KIAA1549: variants seen among roughly 807,000 people sequenced by gnomAD.
KIAA1549 encodes the protein UPF0606 protein KIAA1549.
Under a neutral mutation model 156.4 loss-of-function variants are expected in KIAA1549, and 70 were observed. The ratio of observed to expected loss-of-function variants is 0.45; its 90% CI spans 0.37 to 0.55. The LOEUF is 0.55. KIAA1549 is among the 20% of genes least tolerant of loss of function. KIAA1549 has a pLI of 0.00. For synonymous variants in KIAA1549, 1,103 were observed against 1,066.4 expected, an observed-to-expected ratio of 1.03 and a Z score of -0.67; for missense variants, 2,428 against 2,540.9, an observed-to-expected ratio of 0.96 and a Z score of 0.96.
At position 138,834,510 on chromosome 7, in the gene KIAA1549, T is replaced by G. The variant is rs754555332; in HGVS notation, c.*3396A>C. 7.1e-5 allele frequency: 16 copies of G among 224,750 alleles called. No homozygotes were observed. Among genetic ancestry groups the G allele is most frequent in the Non-Finnish European group, 1.1e-4 (12 of 112,772 alleles). 13.9% of individuals were successfully genotyped at this position (224,750 alleles called of 1,614,324 possible). ...ATTTATCGGTATCTTCCATCTTCTATACCCACTCGTGCTATCTTAGATTCT... is the reference window on the plus strand; with the variant it reads ...ATTTATCGGTATCTTCCATCTTCTAGACCCACTCGTGCTATCTTAGATTCT... On this transcript the variant is annotated 3_prime_UTR_variant, in exon 20 of 20. Coordinates refer to ENST00000422774, the MANE Select transcript of KIAA1549 (RefSeq NM_001164665.2).
At chr7:138,963,892 T>C (rs1584788400) in intron 1 of KIAA1549, among the ~76,000 whole-genome samples, 1 of 152,030 alleles carries the variant, frequency 6.6e-6, no homozygotes, top group South Asian at 2.1e-4. Context: ...AAGGAAATGA[T>C]CCAGGACGTG....
Position 138,906,924 on chromosome 7 carries a change from G to A in KIAA1549, c.3455C>T (p.Ala1152Val). ...TCCAAGAGGGCTGTACTCACGCTCT[G>A]CGATCTGCAGCACTGGGTATCCCAG... The part of the protein sequence containing the change: ...FYLGYPVLQI[A>V]EPFQYPQLNL... Residue 1152 changes from alanine (A) to valine (V), a missense_variant, in exon 6 of 20, where the codon GCA becomes GTA. Ala to Val is a moderately conservative substitution (Grantham distance 64). Transcript: ENST00000422774. The A allele has an allele frequency of 6.3e-7, 1 of 1,593,702 alleles. No individual in the cohort carries two copies. Among genetic ancestry groups the A allele is most frequent in the Admixed American group, 1.8e-5 (1 of 56,208 alleles).
chr7:138,923,190 C>A (rs1408304587), intron 1 of KIAA1549, among the ~76,000 whole-genome samples: 1 of 152,210 alleles, frequency 6.6e-6, no homozygotes, highest in Non-Finnish European at 1.5e-5. Flanking sequence ...AAGACATTTT[C>A]AGCTTAACAG....
At chr7:138,940,820 G>A (rs1424683518) in intron 1 of KIAA1549, among the ~76,000 whole-genome samples, 2 of 152,202 alleles carry the variant, frequency 1.3e-5, no homozygotes, top group Non-Finnish European at 2.9e-5. Context: ...CTTCTTTTGA[G>A]AAGTGTCTGT....
At chr7:138,849,240 T>G (rs1810167802) in intron 17 of KIAA1549, among the ~76,000 whole-genome samples, 1 of 152,046 alleles carries the variant, frequency 6.6e-6, no homozygotes, top group South Asian at 2.1e-4. Context: ...TTATTTTCTA[T>G]TTCATTAATT....
In KIAA1549 at chr7:138,836,684, C is replaced by A; in HGVS notation, c.*1222G>T. Reference sequence around the variant, plus strand: ...TAAGCGAGATGATCCCCTCTTAGCCCAAAGAGCATAAGACAATTTTAATAG... The same window carrying A: ...TAAGCGAGATGATCCCCTCTTAGCCAAAAGAGCATAAGACAATTTTAATAG... On this transcript the variant is annotated 3_prime_UTR_variant, in exon 20 of 20. Coordinates refer to ENST00000422774, the MANE Select transcript of KIAA1549 (RefSeq NM_001164665.2). 4.6e-6 allele frequency: 1 copy of A among 216,716 alleles called. No individual in the cohort carries two copies. Among genetic ancestry groups the A allele is most frequent in the Non-Finnish European group, 9.3e-6 (1 of 107,564 alleles). 13.4% of individuals were successfully genotyped at this position (216,716 alleles called of 1,614,324 possible). A position where few individuals can be genotyped will look rare whatever the true frequency, so the allele number is the denominator to read the frequency against.
chr7:138,973,594 C>G (rs996435964), intron 1 of KIAA1549, among the ~76,000 whole-genome samples: 1 of 152,222 alleles, frequency 6.6e-6, no homozygotes, highest in African/African-American at 2.4e-5. Flanking sequence ...ATGCTCCCCC[C>G]TCACTAGTGT....
At position 138,940,261 on chromosome 7, in the gene KIAA1549, G is replaced by A. The variant is rs1038228111; in HGVS notation, c.188-20823C>T. ...TTCCCACCTATGAGTGAGAACATGTGGTGTTTGGTTTTTTGTCCTTGTGAT... is the reference window on the plus strand; with the variant it reads ...TTCCCACCTATGAGTGAGAACATGTAGTGTTTGGTTTTTTGTCCTTGTGAT... On this transcript the variant is annotated intron_variant, in intron 1 of 19. Transcript: ENST00000422774. 4.1e-3 allele frequency among the ~76,000 whole-genome samples: 553 copies of A among 136,488 alleles called. 2 individuals carry two copies. Among genetic ancestry groups the A allele is most frequent in the Non-Finnish European group, 5.9e-3 (383 of 65,248 alleles). The allele number at this position is 136,488 out of a possible 152,430, so 89.5% of individuals were successfully genotyped here.
In KIAA1549 at chr7:138,909,074, T is replaced by C. The variant is rs763372457; in HGVS notation, c.3193A>G (p.Thr1065Ala). The change falls in exon 5 of 20, where the codon ACC becomes GCC. Residue 1065 changes from threonine to alanine, a missense_variant. By Grantham distance (58) the Thr-to-Ala change is moderately conservative (BLOSUM62 0). Around this residue, in one of 5 missense-constraint regions of KIAA1549, gnomAD observed 762 missense variants for 901.6 expected, o/e 0.85. Transcript: ENST00000422774. Reference sequence around the variant, plus strand: ...ATTAGGCCTTTCTCAATGCGCTGGGTGAAGTTGCAGAAGCCAGTATCCACA... The same window carrying C: ...ATTAGGCCTTTCTCAATGCGCTGGGCGAAGTTGCAGAAGCCAGTATCCACA... ...PSVDTGFCNFTQRIEKGLMTA... is the reference protein window; with the variant it reads ...PSVDTGFCNFAQRIEKGLMTA... The C allele has an allele frequency of 6.2e-6, 10 of 1,613,760 alleles. No homozygotes were observed. The East Asian group carries it at 2.2e-4, about 36-fold the overall frequency.
chr7:138,890,600 G>A (rs1386027848), intron 10 of KIAA1549, among the ~76,000 whole-genome samples: 1 of 152,214 alleles, frequency 6.6e-6, no homozygotes, highest in Non-Finnish European at 1.5e-5. Context: ...GGTGACACCC[G>A]GCACGGTCAG....
rs1045246471 is a variant in KIAA1549, at chr7:138,834,492, G to A, written c.*3414C>T. On this transcript the variant is annotated 3_prime_UTR_variant, in exon 20 of 20. Transcript: ENST00000422774. ...TGACACTTAAACCATGTTATTTATC[G>A]GTATCTTCCATCTTCTATACCCACT... is the stretch of plus-strand genomic sequence containing the variant. 21 of 220,492 alleles carry A rather than the reference G, an allele frequency of 9.5e-5. No individual in the cohort carries two copies. The highest frequency in any genetic ancestry group is 1.4e-3 in the Middle Eastern group (1 of 736). 13.7% of individuals were successfully genotyped at this position (220,492 alleles called of 1,614,324 possible).
intron 14 of KIAA1549, 103 bp downstream of exon 14, chr7:138,869,435 G>A: frequency 1.1e-6 from 1 of 891,358 alleles, no homozygotes; most frequent in Admixed American, 2.2e-5. Flanking sequence ...GGGTCCTTCT[G>A]TCACAGGCCC....
At chr7:138,864,890 G>C (rs2130373136) in intron 15 of KIAA1549, among the ~76,000 whole-genome samples, 1 of 152,324 alleles carries the variant, frequency 6.6e-6, no homozygotes, top group South Asian at 2.1e-4. Context: ...AGCAAAAACA[G>C]TCATTGATAT....
chr7:138,925,922 T>C (rs1812703940), intron 1 of KIAA1549, among the ~76,000 whole-genome samples: 1 of 150,490 alleles, frequency 6.6e-6, no homozygotes, highest in South Asian at 2.1e-4. Flanking sequence ...TTACTAAAAC[T>C]TATGGGCAGG....
chr7:138,931,936 T>A (rs1812884942), intron 1 of KIAA1549, among the ~76,000 whole-genome samples: 2 of 152,154 alleles, frequency 1.3e-5, no homozygotes, highest in African/African-American at 4.8e-5. Flanking sequence ...AGGTTTTGTT[T>A]TTCACATTTA....
chr7:138,912,489 C>G, intron 2 of KIAA1549, 29 bp from the exon 3 acceptor site: 1 of 1,558,090 alleles, frequency 6.4e-7, no homozygotes, highest in African/African-American at 1.4e-5. Context: ...CACCAAATGC[C>G]TTTTCATGTC....
At position 138,911,254 on chromosome 7, in the gene KIAA1549, C is replaced by T. The variant is rs762313878; in HGVS notation, c.3037G>A (p.Val1013Ile). ...TTACTGTTTATAAGCACATTTATGA[C>T]GGATATTGCCGTGTAAACGAAAGGA... ...SGPFVYTAIS[V>I]INVLINSKLV... The change falls in exon 4 of 20, where the codon GTC becomes ATC. Residue 1013 changes from valine (V) to isoleucine (I), a missense_variant. Val to Ile is a conservative substitution (Grantham distance 29). Transcript: ENST00000422774. The T allele has an allele frequency of 2.4e-5, 38 of 1,603,846 alleles. No individual in the cohort carries two copies. The highest frequency in any genetic ancestry group is 4.5e-5 in the South Asian group (4 of 88,802).
chr7:138,927,760 C>T (rs1812762404), intron 1 of KIAA1549, among the ~76,000 whole-genome samples: 1 of 152,148 alleles, frequency 6.6e-6, no homozygotes, highest in Non-Finnish European at 1.5e-5. Flanking sequence ...GCTTGATGGC[C>T]GCAAATCCTC....
At chr7:138,957,609 A>C (rs141945356) in intron 1 of KIAA1549, among the ~76,000 whole-genome samples, 5 of 152,014 alleles carry the variant, frequency 3.3e-5, no homozygotes, top group South Asian at 2.1e-4. Flanking sequence ...TCCAGAGTAG[A>C]TGGGACTACA....
Sources: allele counts gnomAD v4.1 joint callset (sites outside exome capture counted in the v4.1 genomes callset), GRCh38; gene constraint gnomAD v4.1.1; regional missense constraint gnomAD v4.1.1; transcripts MANE v1.5; gene names NCBI Gene and HGNC (gene_info 2026-07-23, HGNC 2026-07-21).